Variants in CASP1 observed in about 807,000 individuals in gnomAD.
CASP1 encodes caspase-1.
Under a neutral mutation model 41.2 loss-of-function variants are expected in CASP1, and 31 were observed. The ratio of observed to expected loss-of-function variants is 0.75; its 90% CI spans 0.57 to 1.02. The LOEUF (loss-of-function observed/expected upper bound fraction) is 1.02, where lower values mean the gene tolerates loss of function less well. Among genes scored for constraint, CASP1 ranks in the 50% least tolerant of loss-of-function variants. The pLI is 0.00. For missense variants in CASP1, 490 were observed against 495.7 expected, an observed-to-expected ratio of 0.99 and a Z score of 0.11; for synonymous variants, 163 against 166.5, an observed-to-expected ratio of 0.98 and a Z score of 0.16.
At chr11:105,030,601 G>T in intron 4 of CASP1, 98 bp from the exon 5 acceptor site, 2 of 991,670 alleles carry the variant, frequency 2.0e-6, no homozygotes, top group East Asian at 2.4e-5. Flanking sequence ...GTCCTATCAA[G>T]ATACCAAACC....
rs1863583871 is a variant in CASP1 at position 105,030,032 on chromosome 11, TA to T, written c.628-134del. ...AACAACAGGGTGCCAAAAAAAAATT[TA>T]GTCTTAGTTTCAAGAAAGGTGAAGG... is the stretch of plus-strand genomic sequence containing the variant. On this transcript the variant is annotated intron_variant, in intron 5 of 8. Coordinates refer to ENST00000533400, the MANE Select transcript of CASP1 (RefSeq NM_001257118.3). The T allele has an allele frequency of 6.1e-5, 44 of 719,406 alleles. No homozygotes were observed. In the South Asian group the frequency reaches 8.1e-4, roughly 13 times the overall value. The allele number at this position is 719,406 out of a possible 1,614,324, so 44.6% of individuals were successfully genotyped here.
intron 7 of CASP1, among the ~76,000 whole-genome samples, chr11:105,027,416 A>G (rs1863380560): frequency 6.6e-6 from 1 of 152,148 alleles, no homozygotes; most frequent in South Asian, 2.1e-4. Context: ...AAATCATAAA[A>G]CAGAACAAAA....
rs1252466309 is a variant in CASP1 at position 105,033,079 on chromosome 11, G to T, written c.322C>A (p.Leu108Ile). ...ACAGCATTACCTGGAAAGGAAGAAA[G>T]TACTCCTTGAGAGTCTTGCATATTA... Reference protein sequence around the residue: ...YLNMQDSQGVLSSFPAPQAVQ... With the variant: ...YLNMQDSQGVISSFPAPQAVQ... Residue 108 changes from leucine to isoleucine, a missense_variant, in exon 3 of 9, where the codon CTT (leucine) becomes ATT (isoleucine). Leu to Ile is a conservative substitution (Grantham distance 5). Coordinates refer to ENST00000533400, the MANE Select transcript of CASP1 (RefSeq NM_001257118.3). 3 of 1,584,954 alleles carry T rather than the reference G, an allele frequency of 1.9e-6. No homozygotes were observed. The highest frequency in any genetic ancestry group is 2.6e-6 in the Non-Finnish European group (3 of 1,155,126).
Position 105,026,121 on chromosome 11 carries a change from T to C in CASP1, c.*137A>G, listed in dbSNP as rs995785431. The C allele has an allele frequency of 2.3e-5, 13 of 563,582 alleles. No individual in the cohort carries two copies. The African/African-American group carries it at 2.5e-4, about 11-fold the overall frequency. The allele number at this position is 563,582 out of a possible 1,614,324, so 34.9% of individuals were successfully genotyped here. ...TTTTAGAGCATTTCAAAATTCAAAT[T>C]TTTGGATTAAGGATTCTCAGCCTGT... On this transcript the variant is annotated 3_prime_UTR_variant, in exon 9 of 9. Transcript: ENST00000533400.
rs1232364480 is a variant in CASP1 at position 105,031,302 on chromosome 11, A to G, written c.338-22T>C. On this transcript the variant is annotated intron_variant, in intron 3 of 8. Transcript: ENST00000533400. The stretch of plus-strand genomic sequence containing the variant: ...GGAGCTGCAAGAGACAAAGAACATC[A>G]TGAACAGTGGCATCCCTGTTTGTTC... The G allele has an allele frequency of 6.6e-6, 9 of 1,354,208 alleles. No homozygotes were observed. The African/African-American group carries it at 7.2e-5, about 11-fold the overall frequency. The allele number at this position is 1,354,208 out of a possible 1,614,324, so 83.9% of individuals were successfully genotyped here.
At chr11:105,034,732 G>T (rs576919029) in intron 1 of CASP1, 2 of 637,842 alleles carry the variant, frequency 3.1e-6, no homozygotes, top group East Asian at 5.5e-5. Flanking sequence ...CTCTTATGTC[G>T]CATGTTTATT....
At position 105,025,969 on chromosome 11, in the gene CASP1, A is replaced by G. The variant is rs1863252499; in HGVS notation, c.*289T>C. On this transcript the variant is annotated 3_prime_UTR_variant, in exon 9 of 9. Coordinates refer to ENST00000533400, the MANE Select transcript of CASP1 (RefSeq NM_001257118.3). The stretch of plus-strand genomic sequence containing the variant: ...ACCAGAAGTATTTCAAATTTCAGAT[A>G]TTTTTGTATATTGGAATTCAGCTGT... The G allele has an allele frequency of 3.5e-6, 1 of 283,098 alleles. No homozygotes were observed. The highest frequency in any genetic ancestry group is 6.7e-6 in the Non-Finnish European group (1 of 149,912). The allele number at this position is 283,098 out of a possible 1,614,324, so 17.5% of individuals were successfully genotyped here. A position where few individuals can be genotyped will look rare whatever the true frequency, so the allele number is the denominator to read the frequency against.
chr11:105,034,487 C>G lies in CASP1; in HGVS notation c.8-13G>C. On this transcript the variant is annotated splice_polypyrimidine_tract_variant and intron_variant, in intron 1 of 8. Coordinates refer to ENST00000533400, the MANE Select transcript of CASP1 (RefSeq NM_001257118.3). Reference sequence around the variant, plus strand: ...TTCAGGACCTTGTCTGTTTAGAGCACAAGGATTTCTCACATCATGAAAACA... The same window carrying G: ...TTCAGGACCTTGTCTGTTTAGAGCAGAAGGATTTCTCACATCATGAAAACA... 6.2e-7 allele frequency: 1 copy of G among 1,613,296 alleles called. No individual in the cohort carries two copies. The highest frequency in any genetic ancestry group is 8.5e-7 in the Non-Finnish European group (1 of 1,179,406).
At chr11:105,033,752 T>C (rs1218785955) in intron 2 of CASP1, among the ~76,000 whole-genome samples, 5 of 152,264 alleles carry the variant, frequency 3.3e-5, no homozygotes, top group South Asian at 2.1e-4. Flanking sequence ...CATTGAAATA[T>C]ATTTTATTCT....
intron 7 of CASP1, among the ~76,000 whole-genome samples, chr11:105,027,514 AATATT>A (rs1863389601): frequency 6.6e-6 from 1 of 152,082 alleles, no homozygotes; most frequent in Non-Finnish European, 1.5e-5. Flanking sequence ...ATTAAAGAAA[AATATT>A]AATTTATTAC....
At position 105,031,180 on chromosome 11, in the gene CASP1, T is replaced by C; in HGVS notation, c.438A>G (p.Lys146=). The C allele has an allele frequency of 6.2e-7, 1 of 1,609,598 alleles. No individual in the cohort carries two copies. The highest frequency in any genetic ancestry group is 8.5e-7 in the Non-Finnish European group (1 of 1,176,236). ...CSLEEAQRIW[K]QKSAEIYPIM... ...AGCATGGCACCTCTGCCGACTTTTG[T>C]TTCCATATCCTTTGAGCTTCTTCTA... is the stretch of plus-strand genomic sequence containing the variant. The change falls in exon 4 of 9, where the codon AAA becomes AAG. Residue 146 remains lysine, a synonymous_variant. Coordinates refer to ENST00000533400, the MANE Select transcript of CASP1 (RefSeq NM_001257118.3).
chr11:105,029,744 G>A lies in CASP1; in HGVS notation c.783C>T (p.Ile261=). 1 of 1,613,678 alleles carries A rather than the reference G, an allele frequency of 6.2e-7. No individual in the cohort carries two copies. The highest frequency in any genetic ancestry group is 8.5e-7 in the Non-Finnish European group (1 of 1,179,710). The change falls in exon 6 of 9, where the codon ATC becomes ATT. Residue 261 remains isoleucine (I), a synonymous_variant. Coordinates refer to ENST00000533400, the MANE Select transcript of CASP1 (RefSeq NM_001257118.3). ...AGTTCTTGGTATTCAACATGTTAAA[G>A]ATTGCATTGAGTTGTAGTATATCTG... is the stretch of plus-strand genomic sequence containing the variant. ...QVPDILQLNA[I]FNMLNTKNCP...
intron 5 of CASP1, 98 bp downstream of exon 5, chr11:105,030,232 C>T: frequency 3.9e-6 from 4 of 1,031,262 alleles, no homozygotes; most frequent in Non-Finnish European, 5.8e-6. Flanking sequence ...TTTAGATTAT[C>T]AAGAGATTAC....
At chr11:105,031,120 G>T (rs370258690) in intron 4 of CASP1, 45 bp downstream of exon 4, 2 of 1,086,008 alleles carry the variant, frequency 1.8e-6, no homozygotes, top group Non-Finnish European at 2.9e-6. Flanking sequence ...ACTGCCTGAA[G>T]TGTTTCTTTC....
At chr11:105,030,001 G>A (rs1235573361) in intron 5 of CASP1, 102 bp from the exon 6 acceptor site, 18 of 949,996 alleles carry the variant, frequency 1.9e-5, no homozygotes, top group Non-Finnish European at 2.7e-5. Flanking sequence ...AAGGAATTCC[G>A]TGACAAACAA....
rs778717062 is a variant in CASP1, at chr11:105,029,878, C to A, written c.649G>T (p.Ala217Ser). Residue 217 changes from alanine (A) to serine (S), a missense_variant, in exon 6 of 9, where the codon GCA (alanine) becomes TCA (serine). Ala to Ser is a moderately conservative substitution (Grantham distance 99). Transcript: ENST00000533400. ...TTGTGCTCTGGGCGGTGTGCAAATG[C>A]CTCCAGCTCTGTAGTCATGTCCTGA... ...TASDMTTELE[A>S]FAHRPEHKTS... is the part of the protein sequence containing the mutation. The A allele has an allele frequency of 4.7e-5, 76 of 1,613,260 alleles. No homozygotes were observed. Among genetic ancestry groups the A allele is most frequent in the Middle Eastern group, 1.6e-4 (1 of 6,078 alleles).
In CASP1 at chr11:105,026,302, T is replaced by C; in HGVS notation, c.1171A>G (p.Arg391Gly). 6.2e-7 allele frequency: 1 copy of C among 1,612,300 alleles called. No individual in the cohort carries two copies. Among genetic ancestry groups the C allele is most frequent in the Non-Finnish European group, 8.5e-7 (1 of 1,178,722 alleles). The change falls in exon 9 of 9, where the codon AGA (arginine) becomes GGA (glycine). Residue 391 changes from arginine to glycine, a missense_variant. Physicochemically the swap from Arg to Gly is moderately radical, Grantham distance 125 (BLOSUM62 -2). Transcript: ENST00000533400. ...TAGAAACATCTTGTCAAAGTCACTC[T>C]TTCAGTGGTGGGCATCTGCGCTCTA... The part of the protein sequence containing the change: ...DGRAQMPTTE[R>G]VTLTRCFYLF...
intron 5 of CASP1, 101 bp from the exon 6 acceptor site, chr11:105,030,000 C>A (rs368643201): frequency 1.0e-6 from 1 of 957,904 alleles, no homozygotes; most frequent in South Asian, 1.5e-5. Context: ...TAAGGAATTC[C>A]GTGACAAACA....
upstream of CASP1, chr11:105,035,369 T>C (rs1322154945): frequency 2.0e-6 from 1 of 512,584 alleles, no homozygotes; most frequent in Admixed American, 3.1e-5. Context: ...ATTGAAAAAG[T>C]ATGTGTACAA....
Sources: gnomAD v4.1 joint callset for allele counts (sites outside exome capture counted in the v4.1 genomes callset) on GRCh38, gnomAD v4.1.1 for gene constraint, MANE v1.5 for transcripts, NCBI Gene and HGNC (gene_info 2026-07-23, HGNC 2026-07-21) for gene names.